The following OSBPL6 variants were observed in gnomAD, a reference collection of about 807,000 sequenced individuals.
OSBPL6 encodes the protein oxysterol-binding protein-related protein 6.
Under a neutral mutation model 125.8 loss-of-function variants are expected in OSBPL6, and 49 were observed. The ratio of observed to expected loss-of-function variants is 0.39; its 90% CI spans 0.31 to 0.49. The LOEUF (loss-of-function observed/expected upper bound fraction) is 0.49, where lower values mean the gene tolerates loss of function less well. Among genes scored for constraint, OSBPL6 ranks in the 20% least tolerant of loss-of-function variants. The pLI is 0.88. For missense variants in OSBPL6, 986 were observed against 1,135.4 expected (o/e 0.87, Z 1.89); for synonymous variants, 394 against 391.8 (o/e 1.01, Z -0.07).
rs930035637 is a variant in OSBPL6, at chr2:178,402,132, A to T, written c.*6573A>T. 1.3e-4 allele frequency: 20 copies of T among 151,608 alleles called. No individual in the cohort carries two copies. Among genetic ancestry groups the T allele is most frequent in the African/African-American group, 3.6e-4 (15 of 41,260 alleles). 9.4% of individuals were successfully genotyped at this position (151,608 alleles called of 1,614,324 possible). A position where few individuals can be genotyped will look rare whatever the true frequency, so the allele number is the denominator to read the frequency against. On this transcript the variant is annotated 3_prime_UTR_variant, in exon 25 of 25. Transcript: ENST00000190611. ...AAAAAAAGTAATAAAAAAGACATTT[A>T]AAAAAAAATTAGAGCTCAGTGACCT...
intron 13 of OSBPL6, among the ~76,000 whole-genome samples, chr2:178,363,437 C>T (rs779793089): frequency 2.0e-5 from 3 of 152,216 alleles, no homozygotes; most frequent in East Asian, 1.9e-4. Context: ...CCAGCAAGCT[C>T]GTGATCTGAT....
chr2:178,376,653 T>C (rs891059297), intron 15 of OSBPL6, among the ~76,000 whole-genome samples: 1 of 152,218 alleles, frequency 6.6e-6, no homozygotes, highest in Non-Finnish European at 1.5e-5. Flanking sequence ...GATAATATTC[T>C]AAACTCCTTA....
intron 20 of OSBPL6, among the ~76,000 whole-genome samples, chr2:178,388,010 GA>G (rs201366429): frequency 9.0e-4 from 127 of 141,732 alleles, no homozygotes; most frequent in East Asian, 2.3e-3. Flanking sequence ...TCTCAAAAAA[GA>G]AAAAAAAAAA....
At chr2:178,254,971 T>C (rs893372075) in intron 1 of OSBPL6, among the ~76,000 whole-genome samples, 1 of 152,112 alleles carries the variant, frequency 6.6e-6, no homozygotes, top group Non-Finnish European at 1.5e-5. Context: ...CGGAAGGTGA[T>C]TGAGCAGCAA....
At chr2:178,364,723 C>T (rs1012860467) in intron 13 of OSBPL6, among the ~76,000 whole-genome samples, 3 of 150,316 alleles carry the variant, frequency 2.0e-5, no homozygotes, top group African/African-American at 7.4e-5. Context: ...GGGCATTTTA[C>T]AGGCAATTAG....
In OSBPL6 at chr2:178,342,464, G is replaced by T. The variant is rs375065172; in HGVS notation, c.987+2700G>T. On this transcript the variant is annotated intron_variant, in intron 11 of 24. Transcript: ENST00000190611. ...TGATTGCTTATTCTTGTGTAGGTTA[G>T]ATTGTGCTATTGATTAAATGAGAAG... Among the ~76,000 whole-genome samples, 10 of 152,294 alleles carry T rather than the reference G, an allele frequency of 6.6e-5. No individual in the cohort carries two copies. In the East Asian group the frequency reaches 1.7e-3, roughly 26 times the overall value.
chr2:178,375,580 G>T (rs963415576), intron 15 of OSBPL6, among the ~76,000 whole-genome samples: 1 of 151,916 alleles, frequency 6.6e-6, no homozygotes. Context: ...GCACCTCCAC[G>T]CCCTGCTAAT....
At chr2:178,228,260 G>A (rs536226417) in intron 1 of OSBPL6, among the ~76,000 whole-genome samples, 11 of 152,224 alleles carry the variant, frequency 7.2e-5, no homozygotes, top group Non-Finnish European at 1.6e-4. Flanking sequence ...ACACGGCCGG[G>A]CGCGGTGGCT....
intron 3 of OSBPL6, among the ~76,000 whole-genome samples, chr2:178,319,755 G>A (rs1174300022): frequency 6.6e-6 from 1 of 152,182 alleles, no homozygotes; most frequent in East Asian, 1.9e-4. Flanking sequence ...GTGTTGCTAC[G>A]TTCAAAGTAG....
intron 8 of OSBPL6, among the ~76,000 whole-genome samples, 198 bp from the exon 9 acceptor site, chr2:178,336,103 G>A (rs1273803783): frequency 1.3e-5 from 2 of 152,178 alleles, no homozygotes; most frequent in Non-Finnish European, 2.9e-5. Context: ...GATGGAGATG[G>A]CAGTTTAATG....
At chr2:178,284,853 A>G (rs1432468620) in intron 1 of OSBPL6, 74 bp from the exon 2 acceptor site, 3 of 392,810 alleles carry the variant, frequency 7.6e-6, no homozygotes, top group Non-Finnish European at 9.0e-6. Flanking sequence ...CTGATTGGCC[A>G]TAGGCAGTCC....
chr2:178,291,708 TCCTCCCTC>T (rs1267347045), intron 2 of OSBPL6, among the ~76,000 whole-genome samples: 1 of 149,970 alleles, frequency 6.7e-6, no homozygotes, highest in Non-Finnish European at 1.5e-5. Context: ...CTTCCTTCTT[TCCTCCCTC>T]CCTCCCTCCC....
intron 1 of OSBPL6, among the ~76,000 whole-genome samples, chr2:178,236,552 G>A (rs116757503): frequency 0.015 from 2,295 of 152,240 alleles, 61 homozygotes; most frequent in African/African-American, 0.051. Flanking sequence ...ACTTCAGATG[G>A]CCATACCACC....
At chr2:178,295,979 T>G (rs1213341880) in intron 2 of OSBPL6, among the ~76,000 whole-genome samples, 1 of 152,198 alleles carries the variant, frequency 6.6e-6, no homozygotes, top group African/African-American at 2.4e-5. Context: ...GGAAAAATCT[T>G]AGCAATTCCT....
chr2:178,314,267 G>A (rs1353971042), intron 3 of OSBPL6, among the ~76,000 whole-genome samples: 1 of 152,206 alleles, frequency 6.6e-6, no homozygotes, highest in Non-Finnish European at 1.5e-5. Context: ...TCCCTGATTT[G>A]ATACCTAACC....
chr2:178,387,876 C>T (rs1367543868), intron 20 of OSBPL6, among the ~76,000 whole-genome samples: 2 of 151,946 alleles, frequency 1.3e-5, no homozygotes, highest in East Asian at 1.9e-4. Flanking sequence ...TGGTGGCGGG[C>T]GCCTATAATC....
intron 15 of OSBPL6, among the ~76,000 whole-genome samples, chr2:178,376,928 T>C (rs72953317): frequency 3.1e-4 from 47 of 152,326 alleles, no homozygotes; most frequent in Non-Finnish European, 6.3e-4. Context: ...AACTTCTCCC[T>C]TTATCACAAC....
At chr2:178,291,037 G>C (rs1685208273) in intron 2 of OSBPL6, among the ~76,000 whole-genome samples, 2 of 151,258 alleles carry the variant, frequency 1.3e-5, no homozygotes. Flanking sequence ...ATTTCAGCAT[G>C]AAAACTACTA....
intron 13 of OSBPL6, among the ~76,000 whole-genome samples, chr2:178,365,662 C>T (rs537223092): frequency 1.3e-5 from 2 of 151,904 alleles, no homozygotes; most frequent in Admixed American, 6.6e-5. Context: ...GATGACAGAG[C>T]GAGACTCTGT....
Sources: allele counts gnomAD v4.1 joint callset (sites outside exome capture counted in the v4.1 genomes callset), GRCh38; gene constraint gnomAD v4.1.1; transcripts MANE v1.5; gene names NCBI Gene and HGNC (gene_info 2026-07-23, HGNC 2026-07-21).